METTL2B: variants seen among roughly 807,000 people sequenced by gnomAD.
The protein encoded by METTL2B is tRNA N(3)-cytidine methyltransferase METTL2B.
A neutral mutation model predicts 51.0 loss-of-function variants in METTL2B; 28 were observed. That is an observed-to-expected ratio of 0.55 (90% CI 0.41 to 0.75). The LOEUF (loss-of-function observed/expected upper bound fraction) is 0.75, where lower values mean the gene tolerates loss of function less well. METTL2B is among the 30% of genes least tolerant of loss of function. The pLI, the probability that METTL2B is intolerant of heterozygous loss-of-function variation, is 0.00. For synonymous variants in METTL2B, 128 were observed against 166.3 expected (o/e 0.77, Z 1.77); for missense variants, 313 against 460.7 (o/e 0.68, Z 2.93).
Position 128,477,068 on chromosome 7 carries a change from T to G in METTL2B, c.111-14T>G, listed in dbSNP as rs775410738. On this transcript the variant is annotated splice_polypyrimidine_tract_variant and intron_variant, in intron 1 of 8. Coordinates refer to ENST00000262432, the MANE Select transcript of METTL2B (RefSeq NM_018396.3). ...GGACGTGAAGCCCCTAAGCTGCCCG[T>G]TTGATTTTCTCAGGGACAATGTGGA... 1.2e-6 allele frequency: 2 copies of G among 1,614,154 alleles called. No individual in the cohort carries two copies. The highest frequency in any genetic ancestry group is 3.3e-5 in the Admixed American group (2 of 60,012).
At chr7:128,498,667 C>T (rs1792970194) in intron 7 of METTL2B, among the ~76,000 whole-genome samples, 1 of 151,976 alleles carries the variant, frequency 6.6e-6, no homozygotes, top group African/African-American at 2.4e-5. Context: ...TCTTTTTAAG[C>T]AAGACAGCTA....
intron 6 of METTL2B, among the ~76,000 whole-genome samples, chr7:128,497,697 G>T (rs1336893301): frequency 1.3e-5 from 2 of 151,996 alleles, no homozygotes; most frequent in Non-Finnish European, 2.9e-5. Flanking sequence ...TGGCCAGACT[G>T]GTCTCAAACT....
intron 6 of METTL2B, among the ~76,000 whole-genome samples, chr7:128,494,576 T>G (rs187661232): frequency 6.6e-6 from 1 of 152,304 alleles, no homozygotes; most frequent in Non-Finnish European, 1.5e-5. Context: ...TTTAGAACTG[T>G]GAACTGTGGG....
rs1357602639 is a variant in METTL2B at position 128,504,060 on chromosome 7, T to C, written c.*2144T>C. The C allele has an allele frequency of 1.3e-5, 2 of 152,184 alleles. No homozygotes were observed. Among genetic ancestry groups the C allele is most frequent in the East Asian group, 3.9e-4 (2 of 5,194 alleles). 9.4% of individuals were successfully genotyped at this position (152,184 alleles called of 1,614,324 possible). A position where few individuals can be genotyped will look rare whatever the true frequency, so the allele number is the denominator to read the frequency against. On this transcript the variant is annotated 3_prime_UTR_variant, in exon 9 of 9. Transcript: ENST00000262432. ...TTTTCTAAATTTTGGAATAATAAAT[T>C]TATATAGGAATACTGCAAGAATAGT...
intron 4 of METTL2B, among the ~76,000 whole-genome samples, chr7:128,484,589 T>C (rs1792665943): frequency 1.3e-5 from 2 of 152,070 alleles, no homozygotes; most frequent in Admixed American, 6.6e-5. Context: ...GTTGGTTTTT[T>C]GTTTTGTTTT....
intron 5 of METTL2B, among the ~76,000 whole-genome samples, chr7:128,492,571 T>C (rs1201841917): frequency 1.3e-5 from 2 of 151,942 alleles, no homozygotes. Flanking sequence ...CGTGATCCAC[T>C]GTGCCTAGCA....
In METTL2B at chr7:128,476,793, C is replaced by T; in HGVS notation, c.28C>T (p.Pro10Ser). The T allele has an allele frequency of 1.9e-6, 3 of 1,614,136 alleles. No homozygotes were observed. The highest frequency in any genetic ancestry group is 2.5e-6 in the Non-Finnish European group (3 of 1,180,020). ...GGCCGGCTCCTACCCTGAAGGTGCA[C>T]CTGCAATCCTCGCCGATAAGAGGCA... MAGSYPEGA[P>S]AILADKRQQF... The change falls in exon 1 of 9, where the codon CCT (proline) becomes TCT (serine). Residue 10 changes from proline (P) to serine (S), a missense_variant. This residue lies in a region of METTL2B where 66 missense variants were observed against 58.2 expected (regional missense o/e 1.13). Coordinates refer to ENST00000262432, the MANE Select transcript of METTL2B (RefSeq NM_018396.3).
At chr7:128,494,954 G>T (rs1792897575) in intron 6 of METTL2B, among the ~76,000 whole-genome samples, 1 of 149,910 alleles carries the variant, frequency 6.7e-6, no homozygotes, top group Non-Finnish European at 1.5e-5. Context: ...TTGCTCTGTT[G>T]CCCCGGCTGG....
rs1213890627 is a variant in METTL2B at position 128,492,677 on chromosome 7, T to C, written c.670-1127T>C. 4.0e-5 allele frequency among the ~76,000 whole-genome samples: 6 copies of C among 151,594 alleles called. 1 individual carries two copies. In the East Asian group the frequency reaches 1.2e-3, roughly 30 times the overall value. On this transcript the variant is annotated intron_variant, in intron 5 of 8. Coordinates refer to ENST00000262432, the MANE Select transcript of METTL2B (RefSeq NM_018396.3). ...TGTTGCCCAGGCTGGAGTGCAGTGG[T>C]GCGATCTCGGCTCACTGCAAGCTCC...
At chr7:128,485,159 T>C (rs1193157397) in intron 4 of METTL2B, among the ~76,000 whole-genome samples, 1 of 152,200 alleles carries the variant, frequency 6.6e-6, no homozygotes, top group African/African-American at 2.4e-5. Flanking sequence ...AATTAAGGAC[T>C]CTGATTTTAA....
chr7:128,489,247 A>G (rs1361805804), intron 5 of METTL2B, among the ~76,000 whole-genome samples: 1 of 152,176 alleles, frequency 6.6e-6, no homozygotes, highest in African/African-American at 2.4e-5. Flanking sequence ...CCTAGGCAAC[A>G]TGGTGAAACC....
intron 4 of METTL2B, among the ~76,000 whole-genome samples, chr7:128,485,783 C>T (rs2116849647): frequency 6.6e-6 from 1 of 152,206 alleles, no homozygotes; most frequent in South Asian, 2.1e-4. Context: ...CACCACTGTA[C>T]TCCAGGTGAC....
intron 4 of METTL2B, chr7:128,482,889 C>T (rs529418352): frequency 6.6e-6 from 1 of 152,330 alleles, no homozygotes; most frequent in African/African-American, 2.4e-5. Flanking sequence ...GTATTCATTA[C>T]TGGAATCCAC....
chr7:128,495,031 C>T (rs1365359532), intron 6 of METTL2B, among the ~76,000 whole-genome samples: 6 of 151,868 alleles, frequency 4.0e-5, no homozygotes, highest in Non-Finnish European at 8.8e-5. Context: ...TCTCCTGCCT[C>T]AGCCTCCCAA....
At chr7:128,493,205 CTTTT>C (rs1289387741) in intron 5 of METTL2B, among the ~76,000 whole-genome samples, 1 of 146,984 alleles carries the variant, frequency 6.8e-6, no homozygotes, top group African/African-American at 2.5e-5. Context: ...TTTGCCATTA[CTTTT>C]TTTTTTTTCT....
intron 1 of METTL2B, 67 bp downstream of exon 1, chr7:128,476,942 A>G: frequency 7.4e-7 from 1 of 1,348,318 alleles, no homozygotes; most frequent in East Asian, 2.6e-5. Context: ...GAGCATTCCG[A>G]AAAGCCCCTG....
In METTL2B at chr7:128,491,938, T is replaced by C. The variant is rs181514974; in HGVS notation, c.670-1866T>C. The stretch of plus-strand genomic sequence containing the variant: ...AGTAAATTTTCTACATCTACAGAAA[T>C]AGATTTTCCTGAAGAATTCTATGGT... On this transcript the variant is annotated intron_variant, in intron 5 of 8. Transcript: ENST00000262432. Among the ~76,000 whole-genome samples, 634 of 152,326 alleles carry C rather than the reference T, an allele frequency of 4.2e-3. 4 individuals carry two copies. The highest frequency in any genetic ancestry group is 7.5e-3 in the Non-Finnish European group (512 of 68,032).
chr7:128,497,402 G>T (rs1434340009), intron 6 of METTL2B, among the ~76,000 whole-genome samples: 3 of 152,226 alleles, frequency 2.0e-5, no homozygotes, highest in African/African-American at 7.2e-5. Context: ...ATTCGGCTTA[G>T]CCACAGGAGC....
chr7:128,481,665 C>A (rs1232146760), intron 4 of METTL2B, among the ~76,000 whole-genome samples: 1 of 152,158 alleles, frequency 6.6e-6, no homozygotes, highest in Non-Finnish European at 1.5e-5. Context: ...AGTTTTGAGA[C>A]AAGCTCTTGT....
Sources: allele counts gnomAD v4.1 joint callset (sites outside exome capture counted in the v4.1 genomes callset), GRCh38; gene constraint gnomAD v4.1.1; regional missense constraint gnomAD v4.1.1; transcripts MANE v1.5; gene names NCBI Gene and HGNC (gene_info 2026-07-23, HGNC 2026-07-21).